Variants in CNTN3 observed in about 807,000 individuals in gnomAD.
CNTN3 encodes the protein contactin 3, also known as contactin-3.
Under a neutral mutation model 119.1 loss-of-function variants are expected in CNTN3, and 60 were observed. That is an observed-to-expected ratio of 0.50 (90% CI 0.41 to 0.62). The LOEUF is 0.62. Ranked by LOEUF, CNTN3 falls within the 20% of genes least tolerant of loss-of-function variation. The pLI is 0.00. For missense variants in CNTN3, 1,101 were observed against 1,242.4 expected, an observed-to-expected ratio of 0.89 and a Z score of 1.71; for synonymous variants, 450 against 438.7, an observed-to-expected ratio of 1.03 and a Z score of -0.32.
chr3:74,498,744 T>A (rs1430082076), intron 3 of CNTN3, among the ~76,000 whole-genome samples: 4 of 151,842 alleles, frequency 2.6e-5, no homozygotes, highest in Non-Finnish European at 5.9e-5. Context: ...AGTTTGCTTG[T>A]TCTGCAGATT....
intron 1 of CNTN3, among the ~76,000 whole-genome samples, chr3:74,545,772 C>A (rs1457475587): frequency 1.3e-5 from 2 of 151,882 alleles, no homozygotes; most frequent in Non-Finnish European, 2.9e-5. Context: ...TGATTTATTA[C>A]CAACCCCCAC....
chr3:74,342,261 T>A (rs554800143), intron 11 of CNTN3, among the ~76,000 whole-genome samples: 1 of 152,196 alleles, frequency 6.6e-6, no homozygotes, highest in Admixed American at 6.5e-5. Context: ...CCCCACGTTA[T>A]TGGTGAAATA....
intron 1 of CNTN3, among the ~76,000 whole-genome samples, chr3:74,562,784 T>G: frequency 6.6e-6 from 1 of 152,090 alleles, no homozygotes; most frequent in Admixed American, 6.6e-5. Context: ...ACATGCCAAC[T>G]TTTCCAATCC....
Position 74,513,639 on chromosome 3 carries a change from A to C in CNTN3, c.55+7419T>G, listed in dbSNP as rs528233517. Among the ~76,000 whole-genome samples, 15 of 151,196 alleles carry C rather than the reference A, an allele frequency of 9.9e-5. No individual in the cohort carries two copies. In the South Asian group the frequency reaches 2.3e-3, roughly 23 times the overall value. On this transcript the variant is annotated intron_variant, in intron 2 of 22. Transcript: ENST00000263665. ...CTGGATCTTCAATGGCTGTCCGAGC[A>C]GTCCAAAAAAAAAAAAAGAGCAGCT...
chr3:74,434,280 C>T (rs1701831344), intron 4 of CNTN3, among the ~76,000 whole-genome samples: 1 of 152,212 alleles, frequency 6.6e-6, no homozygotes, highest in African/African-American at 2.4e-5. Context: ...ACCTTAGCAT[C>T]CCAGATCTGT....
intron 1 of CNTN3, among the ~76,000 whole-genome samples, chr3:74,573,524 A>G (rs916164008): frequency 7.2e-5 from 11 of 152,194 alleles, no homozygotes; most frequent in African/African-American, 2.7e-4. Context: ...GAATGGGACA[A>G]AATATTTGTA....
chr3:74,347,592 T>C (rs549434786), intron 11 of CNTN3, among the ~76,000 whole-genome samples: 1 of 152,222 alleles, frequency 6.6e-6, no homozygotes, highest in Non-Finnish European at 1.5e-5. Context: ...TTTTTCTTTA[T>C]GGCTAAAAAA....
rs967058740 is a variant in CNTN3 at position 74,614,447 on chromosome 3, G to GCCGCCGCCGCCA, written c.-138_-137insTGGCGGCGGCGG. On this transcript the variant is annotated 5_prime_UTR_variant, in exon 1 of 23. Transcript: ENST00000263665. ...CGACGGCCCACTCGCCGCCGCCGCCGCCGCCGCCGCCGCCGCCACCGCCGC... is the reference window on the plus strand; with the variant it reads ...CGACGGCCCACTCGCCGCCGCCGCCGCCGCCGCCGCCACCGCCGCCGCCGCCGCCACCGCCGC... Among the ~76,000 whole-genome samples the GCCGCCGCCGCCA allele has an allele frequency of 2.9e-5, 4 of 138,088 alleles. No homozygotes were observed. The highest frequency in any genetic ancestry group is 8.8e-5 in the African/African-American group (3 of 34,210). The allele number at this position is 138,088 out of a possible 152,430, so 90.6% of individuals were successfully genotyped here. A position where few individuals can be genotyped will look rare whatever the true frequency, so the allele number is the denominator to read the frequency against.
chr3:74,264,649 G>A (rs963993834), intron 22 of CNTN3, 148 bp from the exon 23 acceptor site: 1 of 476,040 alleles, frequency 2.1e-6, no homozygotes, highest in African/African-American at 2.0e-5. Flanking sequence ...GAGGGACTTC[G>A]AGAGGTGACA....
At chr3:74,313,607 C>T (rs998858032) in intron 13 of CNTN3, among the ~76,000 whole-genome samples, 1 of 152,104 alleles carries the variant, frequency 6.6e-6, no homozygotes, top group South Asian at 2.1e-4. Context: ...TCTGTGCATA[C>T]GTGGGAGTCT....
At chr3:74,500,013 T>C (rs1703136845) in intron 2 of CNTN3, among the ~76,000 whole-genome samples, 1 of 152,072 alleles carries the variant, frequency 6.6e-6, no homozygotes, top group Non-Finnish European at 1.5e-5. Flanking sequence ...AATATTGCCA[T>C]ATTAAGATCA....
intron 1 of CNTN3, among the ~76,000 whole-genome samples, chr3:74,568,372 T>G (rs993982332): frequency 1.3e-5 from 2 of 152,216 alleles, no homozygotes; most frequent in African/African-American, 4.8e-5. Flanking sequence ...TAACTTAATA[T>G]GGCACCTCCT....
Position 74,594,699 on chromosome 3 carries a change from T to C in CNTN3, c.-81+19692A>G, listed in dbSNP as rs529020852. 3.3e-5 allele frequency among the ~76,000 whole-genome samples: 5 copies of C among 152,310 alleles called. No homozygotes were observed. The South Asian group carries it at 1.0e-3, about 32-fold the overall frequency. On this transcript the variant is annotated intron_variant, in intron 1 of 22. Coordinates refer to ENST00000263665, the MANE Select transcript of CNTN3 (RefSeq NM_020872.3). The stretch of plus-strand genomic sequence containing the variant: ...ATTTTCTTAATCCAGTCTATCATTG[T>C]TGGACATTTGGGTTGGTCCCAAGTC...
Position 74,264,433 on chromosome 3 carries a change from C to G in CNTN3, c.3055G>C (p.Val1019Leu). 6.2e-7 allele frequency: 1 copy of G among 1,609,830 alleles called. No homozygotes were observed. The highest frequency in any genetic ancestry group is 1.1e-5 in the South Asian group (1 of 90,884). ...VHPMSSYMPI[V>L]LFLIVYVLW ...AGGACATATACAATTAAGAACAGTA[C>G]TATAGGCATATAACTTGACATAGGG... Residue 1019 changes from valine to leucine, a missense_variant, in exon 23 of 23, where the codon GTA becomes CTA. Val to Leu is a conservative substitution (Grantham distance 32, BLOSUM62 1). Coordinates refer to ENST00000263665, the MANE Select transcript of CNTN3 (RefSeq NM_020872.3).
intron 22 of CNTN3, 41 bp from the exon 23 acceptor site, chr3:74,264,542 C>A: frequency 7.5e-7 from 1 of 1,327,228 alleles, no homozygotes; most frequent in Non-Finnish European, 1.1e-6. Context: ...AGGATTGTAC[C>A]AATATGTAAT....
At chr3:74,594,604 T>C (rs1453630379) in intron 1 of CNTN3, among the ~76,000 whole-genome samples, 2 of 152,168 alleles carry the variant, frequency 1.3e-5, no homozygotes, top group African/African-American at 2.4e-5. Context: ...ATTTCATCCA[T>C]GTCCCTACAA....
At chr3:74,489,603 A>G (rs1702925177) in intron 3 of CNTN3, among the ~76,000 whole-genome samples, 1 of 151,434 alleles carries the variant, frequency 6.6e-6, no homozygotes, top group East Asian at 1.9e-4. Flanking sequence ...TTTTTCCCCT[A>G]GTTTCCTAGT....
At chr3:74,320,257 T>G (rs1702953591) in intron 13 of CNTN3, among the ~76,000 whole-genome samples, 3 of 152,112 alleles carry the variant, frequency 2.0e-5, no homozygotes, top group African/African-American at 7.2e-5. Context: ...AGTAAAGACT[T>G]GGAACCAACC....
chr3:74,371,430 T>C, intron 5 of CNTN3, 31 bp from the exon 6 acceptor site: 2 of 1,527,878 alleles, frequency 1.3e-6, no homozygotes, highest in Non-Finnish European at 1.8e-6. Flanking sequence ...AGAAAGAAAT[T>C]CCATCATTAA....
Sources: gnomAD v4.1 joint callset for allele counts (sites outside exome capture counted in the v4.1 genomes callset) on GRCh38, gnomAD v4.1.1 for gene constraint, MANE v1.5 for transcripts, NCBI Gene and HGNC (gene_info 2026-07-23, HGNC 2026-07-21) for gene names.